Variants in ZNF184 observed in about 807,000 individuals in gnomAD.
ZNF184 encodes zinc finger protein 184.
ZNF184 carries 16 observed loss-of-function variants against 54.4 expected under a neutral mutation model. The ratio of observed to expected loss-of-function variants is 0.29; its 90% CI spans 0.20 to 0.45. The LOEUF is 0.45. ZNF184 is among the 20% of genes least tolerant of loss of function. The pLI, the probability that ZNF184 is intolerant of heterozygous loss-of-function variation, is 1.00. For synonymous variants in ZNF184, 254 were observed against 295.3 expected (o/e 0.86, Z 1.43); for missense variants, 681 against 888.2 (o/e 0.77, Z 2.97).
chr6:27,452,602 G>T lies in ZNF184; in HGVS notation c.957C>A (p.Thr319=). The part of the protein sequence containing the change: ...DECGKAFSQR[T]HLVQHQRIHT... ...GAATTCTCTGATGCTGAACAAGATG[G>T]GTCCTCTGACTAAAGGCTTTCCCAC... The change falls in exon 6 of 6, where the codon ACC becomes ACA. Residue 319 remains threonine (T), a synonymous_variant. Coordinates refer to ENST00000683788, the MANE Select transcript of ZNF184 (RefSeq NM_001318891.2). The surrounding 1 kb of genome is among the most constrained non-coding windows in gnomAD (Gnocchi z 5.5). The T allele has an allele frequency of 6.2e-7, 1 of 1,612,210 alleles. No individual in the cohort carries two copies. Among genetic ancestry groups the T allele is most frequent in the Non-Finnish European group, 8.5e-7 (1 of 1,179,462 alleles).
the ZNF184 span, among the ~76,000 whole-genome samples, chr6:27,422,212 G>GAAAGAAAGAAAGA: frequency 2.7e-4 from 30 of 112,024 alleles, no homozygotes; most frequent in African/African-American, 8.6e-4. Context: ...AAGAAAGAAA[G>GAAAGAAAGAAAGA]AAAGAAAAGA....
chr6:27,442,802 GAGAAAGAAAGAGAAAGAA>G, the ZNF184 span, among the ~76,000 whole-genome samples: 104 of 91,036 alleles, frequency 1.1e-3, 12 homozygotes, highest in Non-Finnish European at 2.0e-3. Flanking sequence ...AAGAAAGAAA[GAGAAAGAAAGAGAAAGAA>G]AGAAAGAAAG....
At chr6:27,414,583 G>C in the ZNF184 span, among the ~76,000 whole-genome samples, 1 of 151,688 alleles carries the variant, frequency 6.6e-6, no homozygotes, top group African/African-American at 2.4e-5. Flanking sequence ...CTGCTTGCAG[G>C]GCTTTTGCTC....
the ZNF184 span, among the ~76,000 whole-genome samples, chr6:27,442,648 C>A: frequency 1.5e-5 from 2 of 131,346 alleles, no homozygotes; most frequent in Admixed American, 8.5e-5. Flanking sequence ...AGGAAGCAAG[C>A]AAGAAAGAAA....
chr6:27,449,355 A>G (rs1409046763), downstream of ZNF184, among the ~76,000 whole-genome samples: 1 of 152,222 alleles, frequency 6.6e-6, no homozygotes, highest in Non-Finnish European at 1.5e-5. Flanking sequence ...ATTTCTGGTC[A>G]GTTTGTTAGC....
chr6:27,439,713 ATTG>A, the ZNF184 span, among the ~76,000 whole-genome samples: 1 of 152,274 alleles, frequency 6.6e-6, no homozygotes, highest in African/African-American at 2.4e-5. Flanking sequence ...TTGTTTTATT[ATTG>A]TTGTTAATCT....
chr6:27,439,780 G>C, the ZNF184 span, among the ~76,000 whole-genome samples: 1 of 152,160 alleles, frequency 6.6e-6, no homozygotes, highest in African/African-American at 2.4e-5. Context: ...TGTATGTGTA[G>C]GGAAAAGCAG....
At chr6:27,441,688 T>C in the ZNF184 span, among the ~76,000 whole-genome samples, 1 of 152,244 alleles carries the variant, frequency 6.6e-6, no homozygotes, top group African/African-American at 2.4e-5. Flanking sequence ...TGACATGTTG[T>C]TATTTAATAA....
At chr6:27,448,337 CT>C (rs1762660835), downstream of ZNF184, among the ~76,000 whole-genome samples, 1 of 152,274 alleles carries the variant, frequency 6.6e-6, no homozygotes, top group African/African-American at 2.4e-5. Flanking sequence ...TCAACAATAT[CT>C]TTGTTTAAGC....
the ZNF184 span, among the ~76,000 whole-genome samples, chr6:27,431,768 AGTT>A: frequency 6.6e-6 from 1 of 152,192 alleles, no homozygotes; most frequent in East Asian, 1.9e-4. Context: ...GAAGATTTCC[AGTT>A]GAAATAATGA....
the ZNF184 span, among the ~76,000 whole-genome samples, chr6:27,434,781 G>A: frequency 0.017 from 2,629 of 152,252 alleles, 30 homozygotes; most frequent in Middle Eastern, 0.068. Flanking sequence ...TCTTCTAATG[G>A]TTGTATATTT....
chr6:27,460,554 C>A (rs528575325), intron 3 of ZNF184, among the ~76,000 whole-genome samples: 2 of 152,194 alleles, frequency 1.3e-5, no homozygotes, highest in Non-Finnish European at 2.9e-5. Context: ...GTCCAGACTG[C>A]AGAGCAGGGA....
chr6:27,467,130 G>C (rs4711153), intron 3 of ZNF184, among the ~76,000 whole-genome samples: 97,880 of 151,864 alleles, frequency 0.64, 31,973 homozygotes, highest in Middle Eastern at 0.75. Context: ...TTCAAATATC[G>C]AAATGTCACC....
intron 2 of ZNF184, among the ~76,000 whole-genome samples, chr6:27,469,288 C>T (rs961112626): frequency 1.3e-5 from 2 of 152,128 alleles, no homozygotes; most frequent in African/African-American, 4.8e-5. Context: ...GAATTTTCTC[C>T]TCTTAGAAAT....
At chr6:27,407,771 G>T in the ZNF184 span, 1 of 774,520 alleles carries the variant, frequency 1.3e-6, no homozygotes, top group Non-Finnish European at 2.4e-6. Context: ...TACAAGATTT[G>T]CAGCTCCATT....
At chr6:27,470,081 G>T (rs1763237564) in intron 2 of ZNF184, among the ~76,000 whole-genome samples, 1 of 152,206 alleles carries the variant, frequency 6.6e-6, no homozygotes, top group Admixed American at 6.5e-5. Context: ...TTAGTTCCAA[G>T]ATTCAAATTC....
Position 27,453,328 on chromosome 6 carries a change from TATA to T in ZNF184, c.299-71_299-69del. ...AAATAAACTGCTATTGTGGGAATAA[TATA>T]ATGATACTGAAAAATAAATCTCTCA... On this transcript the variant is annotated intron_variant, in intron 5 of 5. Transcript: ENST00000683788. This position sits in a 1 kb window ranked among gnomAD's most constrained non-coding sequence, Gnocchi z 4.7. 1 of 1,386,998 alleles carries T rather than the reference TATA, an allele frequency of 7.2e-7. No homozygotes were observed. The highest frequency in any genetic ancestry group is 1.6e-5 in the South Asian group (1 of 63,864). The allele number at this position is 1,386,998 out of a possible 1,614,324, so 85.9% of individuals were successfully genotyped here.
chr6:27,433,180 G>A, the ZNF184 span, among the ~76,000 whole-genome samples: 1 of 152,184 alleles, frequency 6.6e-6, no homozygotes, highest in Admixed American at 6.5e-5. Flanking sequence ...ATAACTGATT[G>A]TTTTAAGCCA....
At chr6:27,455,505 G>C (rs1327433471) in intron 5 of ZNF184, among the ~76,000 whole-genome samples, 4 of 151,948 alleles carry the variant, frequency 2.6e-5, no homozygotes, top group Non-Finnish European at 1.5e-5. Flanking sequence ...TTTTCCAAAA[G>C]TTAACTAACC....
Sources: allele counts gnomAD v4.1 joint callset (sites outside exome capture counted in the v4.1 genomes callset), GRCh38; gene constraint gnomAD v4.1.1; non-coding constraint Gnocchi (gnomAD v3.1); transcripts MANE v1.5; gene names NCBI Gene and HGNC (gene_info 2026-07-23, HGNC 2026-07-21).